Variants in GYS2 observed in about 807,000 individuals in gnomAD.
GYS2 encodes the protein glycogen synthase 2.
Under a neutral mutation model 85.6 loss-of-function variants are expected in GYS2, and 80 were observed. That is an observed-to-expected ratio of 0.93 (90% CI 0.78 to 1.13). The LOEUF (loss-of-function observed/expected upper bound fraction) is 1.13, where lower values mean the gene tolerates loss of function less well. Ranked by LOEUF, GYS2 falls within the 50% of genes most tolerant of loss-of-function variation. The pLI is 0.00. For missense variants in GYS2, 881 were observed against 854.9 expected (o/e 1.03, Z -0.38); for synonymous variants, 328 against 300.7 (o/e 1.09, Z -0.94).
rs1168188432 is a variant in GYS2, at chr12:21,604,708, A to G, written c.-116T>C. The G allele has an allele frequency of 6.4e-7, 1 of 1,560,042 alleles. No individual in the cohort carries two copies. Among genetic ancestry groups the G allele is most frequent in the East Asian group, 2.3e-5 (1 of 42,596 alleles). The stretch of plus-strand genomic sequence containing the variant: ...GTTGGTAGAGTTACCAGGCTTTGGT[A>G]GCTTCTCTTGGGAATAAACTAGTAG... On this transcript the variant is annotated 5_prime_UTR_variant, in exon 1 of 16. Transcript: ENST00000261195.
At chr12:21,576,238 A>C (rs1291155367) in intron 2 of GYS2, among the ~76,000 whole-genome samples, 181 bp from the exon 3 acceptor site, 1 of 152,204 alleles carries the variant, frequency 6.6e-6, no homozygotes, top group African/African-American at 2.4e-5. Flanking sequence ...GAATGGGCAT[A>C]AATCCATTCA....
At chr12:21,557,847 C>T (rs531099774) in intron 11 of GYS2, among the ~76,000 whole-genome samples, 1 of 151,832 alleles carries the variant, frequency 6.6e-6, no homozygotes, top group Non-Finnish European at 1.5e-5. Flanking sequence ...TGCAGTGAGC[C>T]GAGATAGCGC....
rs151133556 is a variant in GYS2 at position 21,586,845 on chromosome 12, A to T, written c.122-6322T>A. Among the ~76,000 whole-genome samples, 61 of 152,284 alleles carry T rather than the reference A, an allele frequency of 4.0e-4. No individual in the cohort carries two copies. In the East Asian group the frequency reaches 9.5e-3, roughly 24 times the overall value. ...TGGGTATGGACCCAAAGTGAAAGAG[A>T]TCATATTAAAAAAGATATCTGCATT... On this transcript the variant is annotated intron_variant, in intron 1 of 15. Coordinates refer to ENST00000261195, the MANE Select transcript of GYS2 (RefSeq NM_021957.4).
chr12:21,598,517 TTATA>T (rs1944720520), intron 1 of GYS2, among the ~76,000 whole-genome samples: 1 of 152,098 alleles, frequency 6.6e-6, no homozygotes, highest in South Asian at 2.1e-4. Flanking sequence ...TTTTTACTGT[TTATA>T]TAGCACACTT....
At chr12:21,582,615 A>AGATATAGAT (rs1944524929) in intron 1 of GYS2, among the ~76,000 whole-genome samples, 1 of 151,928 alleles carries the variant, frequency 6.6e-6, no homozygotes, top group African/African-American at 2.4e-5. Context: ...ATATAGATAT[A>AGATATAGAT]GATATAGATA....
intron 1 of GYS2, among the ~76,000 whole-genome samples, chr12:21,601,330 G>C (rs1235917878): frequency 6.6e-6 from 1 of 152,056 alleles, no homozygotes; most frequent in African/African-American, 2.4e-5. Context: ...ACTGTGGATA[G>C]AATTTCAGTG....
At chr12:21,552,316 A>G (rs1199835889) in intron 11 of GYS2, among the ~76,000 whole-genome samples, 5 of 152,232 alleles carry the variant, frequency 3.3e-5, no homozygotes, top group Admixed American at 6.5e-5. Context: ...GGCTTTCCTC[A>G]CCACACTACG....
chr12:21,572,723 A>C (rs1944400894), intron 4 of GYS2, among the ~76,000 whole-genome samples: 1 of 152,204 alleles, frequency 6.6e-6, no homozygotes, highest in African/African-American at 2.4e-5. Flanking sequence ...AAAAGGGTAA[A>C]ATTGTAATAT....
At chr12:21,559,267 TAATA>T (rs1334710355) in intron 9 of GYS2, 98 bp from the exon 10 acceptor site, 2 of 642,272 alleles carry the variant, frequency 3.1e-6, no homozygotes, top group East Asian at 2.9e-5. Context: ...TCATGTATTT[TAATA>T]AATAATGTTG....
intron 3 of GYS2, among the ~76,000 whole-genome samples, chr12:21,575,534 C>A (rs1276728468): frequency 6.6e-6 from 1 of 151,920 alleles, no homozygotes; most frequent in African/African-American, 2.4e-5. Flanking sequence ...GCTTATTAAG[C>A]TATTTGCTAC....
rs1223473762 is a variant in GYS2 at position 21,536,886 on chromosome 12, T to A, written c.*68A>T. On this transcript the variant is annotated 3_prime_UTR_variant, in exon 16 of 16. Coordinates refer to ENST00000261195, the MANE Select transcript of GYS2 (RefSeq NM_021957.4). ...GAAGGAGAAAATGAAATTTGTGGCA[T>A]TTTTATTTTAAATAATTAGTCTTAC... 2 of 1,103,150 alleles carry A rather than the reference T, an allele frequency of 1.8e-6. No individual in the cohort carries two copies. Among genetic ancestry groups the A allele is most frequent in the Non-Finnish European group, 2.8e-6 (2 of 722,866 alleles). 68.3% of individuals were successfully genotyped at this position (1,103,150 alleles called of 1,614,324 possible).
chr12:21,592,438 T>G (rs898480024), intron 1 of GYS2, among the ~76,000 whole-genome samples: 1 of 151,840 alleles, frequency 6.6e-6, no homozygotes, highest in African/African-American at 2.4e-5. Context: ...AGACTGAAAG[T>G]AAAAAGATGA....
At chr12:21,590,302 C>A (rs543065218) in intron 1 of GYS2, among the ~76,000 whole-genome samples, 6 of 152,176 alleles carry the variant, frequency 3.9e-5, no homozygotes, top group Non-Finnish European at 7.3e-5. Flanking sequence ...GTCAGGAACA[C>A]CCAGCCTGGC....
At chr12:21,549,229 T>A (rs1295101061) in intron 11 of GYS2, among the ~76,000 whole-genome samples, 1 of 152,186 alleles carries the variant, frequency 6.6e-6, no homozygotes, top group East Asian at 1.9e-4. Context: ...GAGCTATTAT[T>A]AGATTATCTC....
intron 3 of GYS2, among the ~76,000 whole-genome samples, chr12:21,575,613 A>G (rs1288567166): frequency 2.6e-5 from 4 of 152,212 alleles, no homozygotes; most frequent in Admixed American, 2.0e-4. Context: ...ATGGGGCAAT[A>G]TAATTGGGTG....
In GYS2 at chr12:21,569,016, G is replaced by C; in HGVS notation, c.679-7C>G. 1.2e-6 allele frequency: 2 copies of C among 1,613,880 alleles called. No homozygotes were observed. The highest frequency in any genetic ancestry group is 1.7e-6 in the Non-Finnish European group (2 of 1,179,818). The stretch of plus-strand genomic sequence containing the variant: ...CCTCTTTGTCAATGTTAAACTGTTA[G>C]AAACAAAAATAAAACACACATTTGC... On this transcript the variant is annotated splice_polypyrimidine_tract_variant and splice_region_variant and intron_variant, in intron 4 of 15. Coordinates refer to ENST00000261195, the MANE Select transcript of GYS2 (RefSeq NM_021957.4).
Position 21,562,942 on chromosome 12 carries a change from T to C in GYS2, c.1038A>G (p.Leu346=). The C allele has an allele frequency of 6.2e-7, 1 of 1,611,166 alleles. No individual in the cohort carries two copies. Among genetic ancestry groups the C allele is most frequent in the African/African-American group, 1.3e-5 (1 of 75,004 alleles). The change falls in exon 7 of 16, where the codon TTA becomes TTG. Residue 346 remains leucine, a synonymous_variant. Coordinates refer to ENST00000261195, the MANE Select transcript of GYS2 (RefSeq NM_021957.4). The stretch of plus-strand genomic sequence containing the variant: ...CCCTCAGCAGGAAATTTAGCCTGGA[T>C]AAGGATTCTAGGAAGATGTCAGCTC... ...NKGADIFLES[L]SRLNFLLRMH...
At chr12:21,541,867 C>G (rs1466014237) in intron 13 of GYS2, among the ~76,000 whole-genome samples, 1 of 152,084 alleles carries the variant, frequency 6.6e-6, no homozygotes, top group Non-Finnish European at 1.5e-5. Context: ...CCACTCCCCA[C>G]TCAAGCAGTC....
At chr12:21,550,573 C>T (rs1007242829) in intron 11 of GYS2, among the ~76,000 whole-genome samples, 1 of 152,152 alleles carries the variant, frequency 6.6e-6, no homozygotes, top group African/African-American at 2.4e-5. Flanking sequence ...TGTTCTAGTG[C>T]AGATACCTAC....
Sources: gnomAD v4.1 joint callset for allele counts (sites outside exome capture counted in the v4.1 genomes callset) on GRCh38, gnomAD v4.1.1 for gene constraint, MANE v1.5 for transcripts, NCBI Gene and HGNC (gene_info 2026-07-23, HGNC 2026-07-21) for gene names.